LRP1B: variants seen among roughly 807,000 people sequenced by gnomAD.
LRP1B encodes low-density lipoprotein receptor-related protein 1B.
Under a neutral mutation model 556.6 loss-of-function variants are expected in LRP1B, and 217 were observed. The ratio of observed to expected loss-of-function variants is 0.39; its 90% CI spans 0.35 to 0.44. LRP1B has a LOEUF of 0.44. Among genes scored for constraint, LRP1B ranks in the 20% least tolerant of loss-of-function variants. The probability of loss-of-function intolerance (pLI) is 1.00; values close to 1 mark genes in which losing one functional copy is unlikely to be tolerated. For missense variants in LRP1B, 5,053 were observed against 5,620.8 expected, an observed-to-expected ratio of 0.90 and a Z score of 3.23; for synonymous variants, 2,047 against 1,865.8, an observed-to-expected ratio of 1.10 and a Z score of -2.50.
intron 3 of LRP1B, among the ~76,000 whole-genome samples, chr2:141,355,093 T>C (rs1008474796): frequency 3.3e-5 from 5 of 152,092 alleles, no homozygotes; most frequent in African/African-American, 9.7e-5. Context: ...AATTTTTATT[T>C]CATATTTGTA....
At chr2:141,677,066 G>T (rs1690912168) in intron 2 of LRP1B, among the ~76,000 whole-genome samples, 1 of 152,046 alleles carries the variant, frequency 6.6e-6, no homozygotes, top group South Asian at 2.1e-4. Flanking sequence ...ACCAAATAAT[G>T]TTATAGAAAT....
chr2:142,074,280 A>G (rs915626067), intron 1 of LRP1B, among the ~76,000 whole-genome samples: 2 of 152,044 alleles, frequency 1.3e-5, no homozygotes, highest in Non-Finnish European at 2.9e-5. Flanking sequence ...TGCCTTTCCC[A>G]GTAGGCTTTG....
At chr2:141,901,058 G>A (rs1699604744) in intron 1 of LRP1B, among the ~76,000 whole-genome samples, 2 of 151,884 alleles carry the variant, frequency 1.3e-5, no homozygotes, top group African/African-American at 4.8e-5. Flanking sequence ...CAACCAATAC[G>A]GTTCTTCTTA....
At chr2:140,536,543 C>CTT in intron 46 of LRP1B, 38 bp downstream of exon 46, 5 of 1,576,760 alleles carry the variant, frequency 3.2e-6, no homozygotes, top group Non-Finnish European at 2.6e-6. Flanking sequence ...AATCAGAAAA[C>CTT]TTTATCTGAA....
chr2:141,253,021 G>A (rs897553471), intron 4 of LRP1B, among the ~76,000 whole-genome samples: 23 of 152,156 alleles, frequency 1.5e-4, no homozygotes, highest in African/African-American at 4.8e-4. Context: ...AGGAATCTAC[G>A]TATTTAACTC....
chr2:140,293,945 C>A (rs1195698033), intron 84 of LRP1B, among the ~76,000 whole-genome samples: 3 of 152,236 alleles, frequency 2.0e-5, no homozygotes, highest in East Asian at 1.9e-4. Flanking sequence ...AGGTGGGAAG[C>A]GCTCTGACTA....
intron 43 of LRP1B, 92 bp downstream of exon 43, chr2:140,598,539 C>T: frequency 1.1e-6 from 1 of 917,846 alleles, no homozygotes; most frequent in Non-Finnish European, 1.7e-6. Flanking sequence ...TTTTGAAATT[C>T]CTTGATATGT....
At chr2:140,828,662 C>T (rs12996261) in intron 31 of LRP1B, among the ~76,000 whole-genome samples, 588 of 11,250 alleles carry the variant, frequency 0.052, 125 homozygotes, top group African/African-American at 0.066. Context: ...TGGTAGCGGG[C>T]GCCTGTAGTC....
chr2:141,728,023 G>A (rs544794812), intron 2 of LRP1B, among the ~76,000 whole-genome samples: 23 of 151,966 alleles, frequency 1.5e-4, no homozygotes, highest in Admixed American at 9.2e-4. Context: ...TACTTTTAGC[G>A]CTATAATGAG....
chr2:141,080,112 T>C (rs1221667348), intron 7 of LRP1B, among the ~76,000 whole-genome samples: 3 of 152,216 alleles, frequency 2.0e-5, no homozygotes, highest in Non-Finnish European at 4.4e-5. Flanking sequence ...ATTCAGGATA[T>C]AAAGCCCTAT....
intron 88 of LRP1B, 62 bp downstream of exon 88, chr2:140,239,380 T>C (rs1000144818): frequency 1.9e-6 from 2 of 1,026,700 alleles, no homozygotes; most frequent in African/African-American, 3.3e-5. Flanking sequence ...ACAAACATTA[T>C]GTTTCTGCAC....
intron 24 of LRP1B, 90 bp downstream of exon 24, chr2:140,886,048 T>A: frequency 1.3e-6 from 1 of 778,206 alleles, no homozygotes; most frequent in Non-Finnish European, 2.0e-6. Context: ...GGTCAAAGAA[T>A]AATCAAAATT....
At chr2:140,297,766 CATAAACATCAA>C (rs1197192358) in intron 84 of LRP1B, 31 bp downstream of exon 84, 1 of 1,547,382 alleles carries the variant, frequency 6.5e-7, no homozygotes, top group African/African-American at 1.4e-5. Context: ...AGAAGATTAA[CATAAACATCAA>C]AGCTGGCTTC....
At chr2:141,814,145 T>C (rs1230379839) in intron 1 of LRP1B, among the ~76,000 whole-genome samples, 14 of 152,056 alleles carry the variant, frequency 9.2e-5, no homozygotes, top group Admixed American at 5.2e-4. Flanking sequence ...AGATGAAAGG[T>C]ATGAGATAAT....
chr2:140,449,697 A>T (rs1686807772), intron 63 of LRP1B, among the ~76,000 whole-genome samples: 1 of 152,156 alleles, frequency 6.6e-6, no homozygotes. Context: ...AGATAACCTA[A>T]ATTTCAAAAA....
chr2:140,592,935 GACACACACACACAC>G lies in LRP1B; in HGVS notation c.7194+5682_7194+5695del, dbSNP rs10594387. Among the ~76,000 whole-genome samples the G allele has an allele frequency of 4.0e-5, 6 of 148,898 alleles. No individual in the cohort carries two copies. In the East Asian group the frequency reaches 1.2e-3, roughly 30 times the overall value. On this transcript the variant is annotated intron_variant, in intron 43 of 90. Coordinates refer to ENST00000389484, the MANE Select transcript of LRP1B (RefSeq NM_018557.3). ...AGCCTGGATGACAAAGTGAGATCCT[GACACACACACACAC>G]ACACACACACACACACACATACACA...
chr2:140,890,720 C>T (rs548143280), intron 23 of LRP1B, among the ~76,000 whole-genome samples: 1 of 152,078 alleles, frequency 6.6e-6, no homozygotes, highest in South Asian at 2.1e-4. Context: ...ATTATTTCCC[C>T]TCTGAGAAAA....
chr2:140,523,640 C>A (rs1690283577), intron 49 of LRP1B, among the ~76,000 whole-genome samples: 1 of 151,660 alleles, frequency 6.6e-6, no homozygotes, highest in Admixed American at 6.6e-5. Flanking sequence ...AAAGACTCTG[C>A]AAAAAAGGCC....
intron 43 of LRP1B, among the ~76,000 whole-genome samples, chr2:140,590,230 T>G (rs1211224856): frequency 7.6e-6 from 1 of 131,152 alleles, no homozygotes; most frequent in East Asian, 2.0e-4. Flanking sequence ...TTGGGAATTT[T>G]TAAATGTGTA....
Sources: gnomAD v4.1 joint callset for allele counts (sites outside exome capture counted in the v4.1 genomes callset) on GRCh38, gnomAD v4.1.1 for gene constraint, MANE v1.5 for transcripts, NCBI Gene and HGNC (gene_info 2026-07-23, HGNC 2026-07-21) for gene names.